Variants in AMMECR1 observed in about 807,000 individuals in gnomAD.
The protein encoded by AMMECR1 is nuclear protein AMMECR1.
In AMMECR1, 3 loss-of-function variants were observed where a neutral mutation model predicts 22.5. The ratio of observed to expected loss-of-function variants is 0.13; its 90% CI spans 0.06 to 0.35. The LOEUF is 0.35. AMMECR1 is among the 10% of genes least tolerant of loss of function. The pLI is 1.00. For missense variants in AMMECR1, 235 were observed against 278.7 expected (o/e 0.84, Z 1.12); for synonymous variants, 130 against 116.7 (o/e 1.11, Z -0.74).
chrX:110,317,850 C>T lies in AMMECR1; in HGVS notation c.222G>A (p.Gln74=), dbSNP rs1602892335. 1 of 1,174,489 alleles carries T rather than the reference C, an allele frequency of 8.5e-7. No individual in the cohort carries two copies. Among genetic ancestry groups the T allele is most frequent in the Non-Finnish European group, 1.1e-6 (1 of 876,760 alleles). Residue 74 remains glutamine (Q), a synonymous_variant, in exon 1 of 6, where the codon CAG becomes CAA. Transcript: ENST00000262844. ...TCCCCCCGCCGCCGCCGCCGCAGCC[C>T]TGGGGGGGAGAGAGGGTACAGCCGC... ...SGSGCTLSPP[Q]GCGGGGGGIA...
intron 2 of AMMECR1, among the ~76,000 whole-genome samples, chrX:110,413,516 C>G (rs1602984641): frequency 9.6e-6 from 1 of 103,861 alleles, no homozygotes; most frequent in Admixed American, 1.0e-4. Context: ...CCTGGTCAAC[C>G]CCCCCCCACC....
intron 2 of AMMECR1, among the ~76,000 whole-genome samples, chrX:110,232,659 G>C (rs1377850637): frequency 3.6e-5 from 4 of 110,056 alleles, no homozygotes; most frequent in African/African-American, 1.3e-4. Flanking sequence ...GGGAGGCCAA[G>C]GTGGGCAGAT....
chrX:110,292,971 TTCTC>T (rs2067916821), intron 1 of AMMECR1, among the ~76,000 whole-genome samples: 1 of 112,047 alleles, frequency 8.9e-6, no homozygotes, highest in Non-Finnish European at 1.9e-5. Context: ...CTCTGTACCT[TTCTC>T]TCACTTTCAC....
chrX:110,428,263 A>T (rs2068768921), intron 1 of AMMECR1, among the ~76,000 whole-genome samples: 1 of 111,668 alleles, frequency 9.0e-6, no homozygotes, highest in Admixed American at 9.5e-5. Context: ...AGGCTCCCGC[A>T]ACAATCTAAA....
chrX:110,235,375 T>A (rs984392126), intron 2 of AMMECR1, among the ~76,000 whole-genome samples: 2 of 112,520 alleles, frequency 1.8e-5, no homozygotes, highest in African/African-American at 6.5e-5. Context: ...GCTTTTACAC[T>A]GTTGGTGGGA....
At chrX:110,378,061 T>C (rs999388967) in intron 2 of AMMECR1, among the ~76,000 whole-genome samples, 1 of 107,045 alleles carries the variant, frequency 9.3e-6, no homozygotes, top group Non-Finnish European at 1.9e-5. Context: ...AAACCTCTCA[T>C]CTTTTGTCCT....
chrX:110,364,651 T>A (rs2068285235), intron 2 of AMMECR1, among the ~76,000 whole-genome samples: 1 of 111,519 alleles, frequency 9.0e-6, no homozygotes, highest in Admixed American at 9.5e-5. Context: ...ATGGAAAAAA[T>A]TGAGTTTTGG....
rs917906400 is a variant in AMMECR1 at position 110,326,112 on chromosome X, C to A, written c.-147-8263G>T. On this transcript the variant is annotated intron_variant, in intron 2 of 7. Coordinates refer to the AMMECR1 transcript ENST00000372057. ...TCAAGAGATTCTCCTGCCTCAGCCT[C>A]CTGAGTAGCTGGGATTCCAGGTGTG... Among the ~76,000 whole-genome samples the A allele has an allele frequency of 2.7e-5, 3 of 111,132 alleles. 1 individual carries two copies. The highest frequency in any genetic ancestry group is 9.8e-5 in the African/African-American group (3 of 30,524).
rs189515738 is a variant in AMMECR1, at chrX:110,356,414, C to T, written c.-147-38565G>A. Among the ~76,000 whole-genome samples the T allele has an allele frequency of 6.3e-3, 690 of 110,304 alleles. 5 individuals carry two copies. Among genetic ancestry groups the T allele is most frequent in the African/African-American group, 0.021 (630 of 30,292 alleles). ...AGGTGATCCACCTGCCTCGGCCTCCCAAAGTGCTGGGATTACAAGTGTGAG... is the reference window on the plus strand; with the variant it reads ...AGGTGATCCACCTGCCTCGGCCTCCTAAAGTGCTGGGATTACAAGTGTGAG... On this transcript the variant is annotated intron_variant, in intron 2 of 7. Coordinates refer to the AMMECR1 transcript ENST00000372057.
chrX:110,263,658 C>T (rs1164754021), intron 2 of AMMECR1, among the ~76,000 whole-genome samples: 1 of 111,620 alleles, frequency 9.0e-6, no homozygotes, highest in East Asian at 2.8e-4. Context: ...GAGAAACATG[C>T]CCCAAGTACC....
intron 2 of AMMECR1, among the ~76,000 whole-genome samples, chrX:110,229,760 A>T (rs1377779710): frequency 8.9e-6 from 1 of 112,130 alleles, no homozygotes; most frequent in Non-Finnish European, 1.9e-5. Flanking sequence ...AGCCAAGGGA[A>T]GCCGTGACAG....
rs989496162 is a variant in AMMECR1 at position 110,198,032 on chromosome X, G to T, written c.*488C>A. 9.0e-6 allele frequency: 1 copy of T among 111,120 alleles called. No individual in the cohort carries two copies. The highest frequency in any genetic ancestry group is 3.3e-5 in the African/African-American group (1 of 30,511). 9.2% of individuals were successfully genotyped at this position (111,120 alleles called of 1,213,427 possible). A position where few individuals can be genotyped will look rare whatever the true frequency, so the allele number is the denominator to read the frequency against. The stretch of plus-strand genomic sequence containing the variant: ...TGATATGAATTAATCCCAAACTCAG[G>T]TATCAAAAAACAACTATCTTACTGA... On this transcript the variant is annotated 3_prime_UTR_variant, in exon 6 of 6. Coordinates refer to ENST00000262844, the MANE Select transcript of AMMECR1 (RefSeq NM_015365.3).
At chrX:110,363,125 G>C (rs1158544603) in intron 2 of AMMECR1, among the ~76,000 whole-genome samples, 1 of 111,998 alleles carries the variant, frequency 8.9e-6, no homozygotes, top group Admixed American at 9.5e-5. Context: ...AAGATGAATA[G>C]GGCATGATCT....
intron 2 of AMMECR1, among the ~76,000 whole-genome samples, chrX:110,235,354 G>A (rs1176199340): frequency 8.9e-6 from 1 of 112,459 alleles, no homozygotes; most frequent in Admixed American, 9.4e-5. Context: ...ACGATGTGGA[G>A]AAATAGGAAT....
intron 2 of AMMECR1, among the ~76,000 whole-genome samples, chrX:110,403,523 A>G (rs1211923168): frequency 9.0e-6 from 1 of 110,946 alleles, no homozygotes; most frequent in Admixed American, 9.5e-5. Context: ...CGTCCATGAT[A>G]CCAGGGCAGC....
At chrX:110,217,495 T>C (rs746726197) in intron 2 of AMMECR1, among the ~76,000 whole-genome samples, 2 of 92,084 alleles carry the variant, frequency 2.2e-5, no homozygotes, top group South Asian at 9.1e-4. Flanking sequence ...TGCAACGGAA[T>C]AGAAAATACA....
chrX:110,221,868 G>C (rs1319222378), intron 2 of AMMECR1, among the ~76,000 whole-genome samples: 1 of 109,589 alleles, frequency 9.1e-6, no homozygotes, highest in Admixed American at 9.7e-5. Flanking sequence ...CTGGCCATCA[G>C]AGAAATGCAA....
At chrX:110,283,574 T>G (rs1025381869) in intron 1 of AMMECR1, among the ~76,000 whole-genome samples, 2 of 112,181 alleles carry the variant, frequency 1.8e-5, no homozygotes, top group Non-Finnish European at 3.8e-5. Flanking sequence ...AACATCTTGC[T>G]GTGTCTCACA....
At chrX:110,329,302 T>C (rs2068111262) in intron 2 of AMMECR1, among the ~76,000 whole-genome samples, 2 of 112,413 alleles carry the variant, frequency 1.8e-5, no homozygotes, top group East Asian at 5.6e-4. Context: ...GCCCACTTTT[T>C]GATGGGATTG....
Sources: gnomAD v4.1 joint callset for allele counts (sites outside exome capture counted in the v4.1 genomes callset) on GRCh38, gnomAD v4.1.1 for gene constraint, MANE v1.5 for transcripts, NCBI Gene and HGNC (gene_info 2026-07-23, HGNC 2026-07-21) for gene names.